The following GLIS3 variants were observed in gnomAD, a reference collection of about 807,000 sequenced individuals.
The protein encoded by GLIS3 is zinc finger protein GLIS3.
Under a neutral mutation model 78.6 loss-of-function variants are expected in GLIS3, and 53 were observed. The ratio of observed to expected loss-of-function variants is 0.67; its 90% CI spans 0.54 to 0.85. GLIS3 has a LOEUF of 0.85. GLIS3 is among the 40% of genes least tolerant of loss of function. The pLI is 0.00. For missense variants in GLIS3, 1,703 were observed against 1,231.1 expected, an observed-to-expected ratio of 1.38 and a Z score of -5.74; for synonymous variants, 684 against 509.9, an observed-to-expected ratio of 1.34 and a Z score of -4.60.
intron 2 of GLIS3, among the ~76,000 whole-genome samples, chr9:4,252,079 T>A (rs1409194948): frequency 6.6e-6 from 1 of 152,180 alleles, no homozygotes; most frequent in East Asian, 1.9e-4. Flanking sequence ...GATAATTATG[T>A]GTCTTGGGGT....
chr9:4,398,416 G>T, the GLIS3 span, among the ~76,000 whole-genome samples: 2 of 151,950 alleles, frequency 1.3e-5, no homozygotes, highest in Admixed American at 1.3e-4. Context: ...TGATTCAAGT[G>T]CACATTCAAG....
intron 2 of GLIS3, among the ~76,000 whole-genome samples, chr9:4,164,254 T>C (rs1345471880): frequency 6.6e-6 from 1 of 152,204 alleles, no homozygotes; most frequent in African/African-American, 2.4e-5. Context: ...AGGCAAACCC[T>C]GGGAAAATTA....
chr9:4,209,459 G>A (rs974516484), intron 2 of GLIS3, among the ~76,000 whole-genome samples: 1 of 152,164 alleles, frequency 6.6e-6, no homozygotes, highest in Non-Finnish European at 1.5e-5. Flanking sequence ...ACTCCAGGTG[G>A]CAAGAGCCCA....
At chr9:4,080,634 C>T (rs1355024638) in intron 4 of GLIS3, among the ~76,000 whole-genome samples, 1 of 151,892 alleles carries the variant, frequency 6.6e-6, no homozygotes, top group African/African-American at 2.4e-5. Context: ...TATTATTTAC[C>T]TTTATTATTG....
intron 4 of GLIS3, among the ~76,000 whole-genome samples, chr9:4,098,780 T>C (rs1339049514): frequency 6.6e-6 from 1 of 152,126 alleles, no homozygotes; most frequent in Non-Finnish European, 1.5e-5. Flanking sequence ...TAAATAAAAA[T>C]ATACTCTTCA....
the GLIS3 span, among the ~76,000 whole-genome samples, chr9:4,449,176 A>C: frequency 1.3e-5 from 2 of 152,180 alleles, no homozygotes; most frequent in Non-Finnish European, 2.9e-5. Flanking sequence ...TATACCATGC[A>C]TGGCTTGGCG....
chr9:3,958,108 C>T (rs558815452), intron 4 of GLIS3, among the ~76,000 whole-genome samples: 1 of 152,334 alleles, frequency 6.6e-6, no homozygotes, highest in African/African-American at 2.4e-5. Context: ...TTGCCTTCCA[C>T]TCTCTCAGTT....
chr9:4,377,694 A>G, the GLIS3 span, among the ~76,000 whole-genome samples: 1 of 152,174 alleles, frequency 6.6e-6, no homozygotes, highest in African/African-American at 2.4e-5. Flanking sequence ...TTATTACAAG[A>G]CACTAATAAT....
chr9:4,113,172 AAT>A (rs1831366797), intron 4 of GLIS3, among the ~76,000 whole-genome samples: 1 of 152,072 alleles, frequency 6.6e-6, no homozygotes, highest in African/African-American at 2.4e-5. Context: ...ATATATATGT[AAT>A]ATATATATGC....
the GLIS3 span, among the ~76,000 whole-genome samples, chr9:4,381,505 A>G: frequency 1.3e-5 from 2 of 152,202 alleles, no homozygotes; most frequent in Admixed American, 6.5e-5. Flanking sequence ...TAAGAGTTGC[A>G]TGGTCACATA....
intron 2 of GLIS3, among the ~76,000 whole-genome samples, chr9:4,173,507 A>C (rs1564149695): frequency 6.6e-6 from 1 of 151,974 alleles, no homozygotes; most frequent in African/African-American, 2.4e-5. Context: ...TTCACATTCT[A>C]ATTAAAGGCA....
chr9:4,195,819 T>C (rs1818783121), intron 2 of GLIS3, among the ~76,000 whole-genome samples: 1 of 152,172 alleles, frequency 6.6e-6, no homozygotes, highest in Non-Finnish European at 1.5e-5. Context: ...TGTGTCTAAC[T>C]CAAGGTCTGT....
chr9:3,843,480 T>C (rs973459985), intron 9 of GLIS3, among the ~76,000 whole-genome samples: 2 of 152,176 alleles, frequency 1.3e-5, no homozygotes, highest in Non-Finnish European at 1.5e-5. Context: ...ATGTTGTATT[T>C]GGGAAACCTG....
At position 4,130,271 on chromosome 9, in the gene GLIS3, G is replaced by A. The variant is rs149550537; in HGVS notation, c.389-4330C>T. 1.5e-3 allele frequency among the ~76,000 whole-genome samples: 235 copies of A among 152,316 alleles called. 1 individual carries two copies. Among genetic ancestry groups the A allele is most frequent in the African/African-American group, 5.4e-3 (225 of 41,570 alleles). The stretch of plus-strand genomic sequence containing the variant: ...GCCATGTGGTAGAAAAGAAAAAAGC[G>A]TTTTCAGGAGAGGAATTCAAGCAGG... On this transcript the variant is annotated intron_variant, in intron 2 of 10. Transcript: ENST00000381971.
At chr9:4,322,016 T>G (rs150070339) in intron 2 of GLIS3, among the ~76,000 whole-genome samples, 188 of 152,294 alleles carry the variant, frequency 1.2e-3, no homozygotes, top group African/African-American at 4.3e-3. Flanking sequence ...CTCCTAATGC[T>G]ATCCCTCCCC....
At chr9:4,429,228 T>C in the GLIS3 span, among the ~76,000 whole-genome samples, 2 of 152,176 alleles carry the variant, frequency 1.3e-5, no homozygotes, top group Non-Finnish European at 2.9e-5. Flanking sequence ...TGAAATCTTC[T>C]GTGGCTTTCC....
intron 2 of GLIS3, among the ~76,000 whole-genome samples, chr9:4,189,726 T>C (rs368868788): frequency 3.3e-5 from 5 of 152,230 alleles, no homozygotes; most frequent in South Asian, 2.1e-4. Context: ...TCTTGTTGAA[T>C]TGATCCCTTT....
chr9:4,156,198 G>A (rs1310383782), intron 2 of GLIS3, among the ~76,000 whole-genome samples: 3 of 152,028 alleles, frequency 2.0e-5, no homozygotes, highest in South Asian at 4.2e-4. Flanking sequence ...TCTCTCACAT[G>A]ACAAAACAAA....
intron 9 of GLIS3, among the ~76,000 whole-genome samples, chr9:3,847,302 A>T (rs1364786849): frequency 6.6e-6 from 1 of 152,256 alleles, no homozygotes; most frequent in African/African-American, 2.4e-5. Flanking sequence ...TCTGTAAGTC[A>T]CAATTTTGCC....
Sources: allele counts gnomAD v4.1 joint callset (sites outside exome capture counted in the v4.1 genomes callset), GRCh38; gene constraint gnomAD v4.1.1; transcripts MANE v1.5; gene names NCBI Gene and HGNC (gene_info 2026-07-23, HGNC 2026-07-21).